Variants in FSTL4 observed in about 807,000 individuals in gnomAD.
The protein encoded by FSTL4 is follistatin like 4, also known as follistatin-related protein 4.
FSTL4 carries 28 observed loss-of-function variants against 78.2 expected under a neutral mutation model. That is an observed-to-expected ratio of 0.36 (90% confidence interval 0.27 to 0.49). The LOEUF is 0.49. Ranked by LOEUF, FSTL4 falls within the 20% of genes least tolerant of loss-of-function variation. FSTL4 has a pLI of 0.98. For synonymous variants in FSTL4, 422 were observed against 440.5 expected (o/e 0.96, Z 0.53); for missense variants, 922 against 1,084.9 (o/e 0.85, Z 2.11).
At chr5:133,245,524 G>A (rs1581565306) in intron 7 of FSTL4, among the ~76,000 whole-genome samples, 1 of 152,288 alleles carries the variant, frequency 6.6e-6, no homozygotes, top group African/African-American at 2.4e-5. Context: ...TTTCTCACTC[G>A]CTTATTCCTG....
chr5:133,220,875 A>T lies in FSTL4; in HGVS notation c.1340-9T>A, dbSNP rs1581538558. On this transcript the variant is annotated splice_polypyrimidine_tract_variant and intron_variant, in intron 11 of 15. Transcript: ENST00000265342. ...GTTTCCCACGCTGAGGCCTGGGAGG[A>T]GCAAATGGAATGGGCATGCCCTCCA... The T allele has an allele frequency of 2.7e-6, 4 of 1,503,730 alleles. No homozygotes were observed. The highest frequency in any genetic ancestry group is 2.8e-6 in the Non-Finnish European group (3 of 1,079,260). 93.1% of individuals were successfully genotyped at this position (1,503,730 alleles called of 1,614,324 possible). A position where few individuals can be genotyped will look rare whatever the true frequency, so the allele number is the denominator to read the frequency against.
In FSTL4 at chr5:133,312,341, C is replaced by T. The variant is rs999125216; in HGVS notation, c.727+313G>A. The T allele has an allele frequency of 1.7e-5, 5 of 286,680 alleles. No individual in the cohort carries two copies. The Admixed American group carries it at 2.4e-4, about 14-fold the overall frequency. 17.8% of individuals were successfully genotyped at this position (286,680 alleles called of 1,614,324 possible). Reference sequence around the variant, plus strand: ...ATAGCCCTAAAATCTGCTTCCTTCTCCTTCAGTCATAGAACCCCCAAAGGG... The same window carrying T: ...ATAGCCCTAAAATCTGCTTCCTTCTTCTTCAGTCATAGAACCCCCAAAGGG... On this transcript the variant is annotated intron_variant, in intron 6 of 15. Coordinates refer to ENST00000265342, the MANE Select transcript of FSTL4 (RefSeq NM_015082.2).
chr5:133,795,416 T>C, the FSTL4 span, among the ~76,000 whole-genome samples: 2 of 152,202 alleles, frequency 1.3e-5, no homozygotes, highest in Non-Finnish European at 2.9e-5. Flanking sequence ...GCTGTTAGCA[T>C]GAGAATATAA....
At chr5:133,326,241 G>C (rs1414513095) in intron 4 of FSTL4, among the ~76,000 whole-genome samples, 4 of 152,138 alleles carry the variant, frequency 2.6e-5, no homozygotes, top group Non-Finnish European at 5.9e-5. Context: ...AAAACCAATG[G>C]GCTTATCTTT....
intron 6 of FSTL4, among the ~76,000 whole-genome samples, chr5:133,258,931 A>G (rs878936355): frequency 2.0e-5 from 3 of 152,138 alleles, no homozygotes; most frequent in Non-Finnish European, 4.4e-5. Flanking sequence ...AGTAGGTCCA[A>G]CTTTGGCTCC....
chr5:133,225,649 A>C lies in FSTL4; in HGVS notation c.1177+9T>G, dbSNP rs1751303782. ...TATCGCATAGACGTCTACCAAGGGC[A>C]GTTCTTACCTAAAAGGGAGAGCTGT... On this transcript the variant is annotated intron_variant, in intron 9 of 15. Transcript: ENST00000265342. The surrounding 1 kb of genome is among the most constrained non-coding windows in gnomAD (Gnocchi z 4.6). The C allele has an allele frequency of 6.4e-7, 1 of 1,569,634 alleles. No individual in the cohort carries two copies. Among genetic ancestry groups the C allele is most frequent in the Non-Finnish European group, 8.6e-7 (1 of 1,158,496 alleles).
chr5:133,742,663 C>T, the FSTL4 span, among the ~76,000 whole-genome samples: 22 of 151,994 alleles, frequency 1.4e-4, no homozygotes, highest in African/African-American at 2.4e-4. Flanking sequence ...GAAAGGACAC[C>T]GTGGCAAAAC....
the FSTL4 span, among the ~76,000 whole-genome samples, chr5:133,833,713 A>G: frequency 4.6e-5 from 7 of 152,238 alleles, no homozygotes; most frequent in African/African-American, 1.7e-4. Flanking sequence ...GAAGAGGCAG[A>G]AGCAGAAAGG....
the FSTL4 span, among the ~76,000 whole-genome samples, chr5:133,830,213 A>G: frequency 6.6e-6 from 1 of 152,226 alleles, no homozygotes; most frequent in Non-Finnish European, 1.5e-5. Context: ...TCAAGGTGAA[A>G]GGATCAGAGG....
chr5:133,757,263 T>G, the FSTL4 span, among the ~76,000 whole-genome samples: 13 of 152,230 alleles, frequency 8.5e-5, no homozygotes, highest in Admixed American at 8.5e-4. Flanking sequence ...TCTCAGTATA[T>G]CTAAGATGTT....
chr5:133,674,213 T>A, the FSTL4 span, among the ~76,000 whole-genome samples: 1 of 152,172 alleles, frequency 6.6e-6, no homozygotes, highest in African/African-American at 2.4e-5. Flanking sequence ...ACTTAAATCA[T>A]TCCCAATGAT....
intron 3 of FSTL4, among the ~76,000 whole-genome samples, chr5:133,520,871 A>T (rs1758965623): frequency 6.6e-6 from 1 of 152,090 alleles, no homozygotes; most frequent in Non-Finnish European, 1.5e-5. Context: ...GAATCACTGG[A>T]AAAGCTGATG....
the FSTL4 span, among the ~76,000 whole-genome samples, chr5:133,631,062 C>T: frequency 5.3e-5 from 8 of 152,254 alleles, no homozygotes; most frequent in Middle Eastern, 6.8e-3. Flanking sequence ...CAAACCTAGG[C>T]GATACCATTC....
intron 13 of FSTL4, among the ~76,000 whole-genome samples, chr5:133,211,527 A>AG (rs1004250879): frequency 1.1e-4 from 16 of 152,222 alleles, no homozygotes; most frequent in African/African-American, 3.6e-4. Flanking sequence ...CTCTCCGATG[A>AG]GGGGGAGAAA....
chr5:133,355,173 T>C (rs961295837), intron 4 of FSTL4, among the ~76,000 whole-genome samples: 1 of 152,226 alleles, frequency 6.6e-6, no homozygotes, highest in Admixed American at 6.5e-5. Context: ...GTGCTAGACG[T>C]CTGTGCAGCC....
chr5:133,381,946 G>A (rs1402733425), intron 4 of FSTL4, among the ~76,000 whole-genome samples: 1 of 152,250 alleles, frequency 6.6e-6, no homozygotes. Flanking sequence ...AGCTGTGGCT[G>A]TGTGACTTAC....
At chr5:133,474,660 G>A (rs953260097) in intron 3 of FSTL4, among the ~76,000 whole-genome samples, 2 of 152,148 alleles carry the variant, frequency 1.3e-5, no homozygotes, top group African/African-American at 4.8e-5. Flanking sequence ...GCATTAATAA[G>A]GAAAGCACAT....
the FSTL4 span, among the ~76,000 whole-genome samples, chr5:133,782,557 C>CTTT: frequency 6.6e-6 from 1 of 152,236 alleles, no homozygotes; most frequent in African/African-American, 2.4e-5. Flanking sequence ...GAGAGTGCTT[C>CTTT]CCTGTGATCT....
At chr5:133,461,168 A>C (rs1757584549) in intron 3 of FSTL4, among the ~76,000 whole-genome samples, 1 of 152,204 alleles carries the variant, frequency 6.6e-6, no homozygotes, top group South Asian at 2.1e-4. Flanking sequence ...TGCACAAATC[A>C]CTTACTCAAA....
Sources: allele counts gnomAD v4.1 joint callset (sites outside exome capture counted in the v4.1 genomes callset), GRCh38; gene constraint gnomAD v4.1.1; non-coding constraint Gnocchi (gnomAD v3.1); transcripts MANE v1.5; gene names NCBI Gene and HGNC (gene_info 2026-07-23, HGNC 2026-07-21).